RBFOX1: variants seen among roughly 807,000 people sequenced by gnomAD.
The protein encoded by RBFOX1 is RNA binding protein fox-1 homolog 1.
A neutral mutation model predicts 57.7 loss-of-function variants in RBFOX1; 8 were observed. The ratio of observed to expected loss-of-function variants is 0.14; its 90% CI spans 0.08 to 0.25. The LOEUF is 0.25. Ranked by LOEUF, RBFOX1 falls within the 10% of genes least tolerant of loss-of-function variation. RBFOX1 has a pLI of 1.00. For missense variants in RBFOX1, 611 were observed against 548.5 expected (o/e 1.11, Z -1.14); for synonymous variants, 326 against 222.4 (o/e 1.47, Z -4.15).
At chr16:6,624,989 A>G (rs1237881985) in intron 2 of RBFOX1, among the ~76,000 whole-genome samples, 2 of 151,764 alleles carry the variant, frequency 1.3e-5, no homozygotes, top group Admixed American at 6.6e-5. Context: ...ACATGGTGAA[A>G]CCCCATCTCT....
intron 2 of RBFOX1, among the ~76,000 whole-genome samples, chr16:5,536,228 CTTTTTTTTTTT>C (rs57061495): frequency 4.8e-5 from 5 of 103,538 alleles, no homozygotes; most frequent in Admixed American, 1.1e-4. Flanking sequence ...AATCTCCTGT[CTTTTTTTTTTT>C]TTTTTTTTTT....
intron 3 of RBFOX1, among the ~76,000 whole-genome samples, chr16:6,781,220 A>C (rs752429627): frequency 8.5e-5 from 13 of 152,058 alleles, no homozygotes; most frequent in Non-Finnish European, 1.6e-4. Flanking sequence ...TGTTGATATG[A>C]TATGTCACAT....
At chr16:7,447,940 C>G (rs2098821385) in intron 4 of RBFOX1, among the ~76,000 whole-genome samples, 1 of 152,188 alleles carries the variant, frequency 6.6e-6, no homozygotes, top group Non-Finnish European at 1.5e-5. Flanking sequence ...ATGTACATTC[C>G]TAGGTCCCTT....
intron 1 of RBFOX1, among the ~76,000 whole-genome samples, chr16:5,379,347 A>G (rs1359344504): frequency 6.6e-6 from 1 of 151,490 alleles, no homozygotes; most frequent in Non-Finnish European, 1.5e-5. Flanking sequence ...CCTCTCAGAG[A>G]AACACACCCC....
intron 3 of RBFOX1, among the ~76,000 whole-genome samples, chr16:6,961,795 G>A (rs28437175): frequency 3.6e-4 from 55 of 151,842 alleles, no homozygotes; most frequent in Admixed American, 1.4e-3. Context: ...CCTTTAGCAT[G>A]CTAATGCGTT....
chr16:7,164,541 A>G (rs1328157006), intron 4 of RBFOX1, among the ~76,000 whole-genome samples: 2 of 152,222 alleles, frequency 1.3e-5, no homozygotes, highest in African/African-American at 4.8e-5. Context: ...ACCAGAAAAG[A>G]GTAAAATTTA....
At chr16:6,886,860 T>G (rs76770351) in intron 3 of RBFOX1, among the ~76,000 whole-genome samples, 1 of 151,706 alleles carries the variant, frequency 6.6e-6, no homozygotes, top group African/African-American at 2.4e-5. Flanking sequence ...ATGGCAAAAA[T>G]AAAAGAGATG....
At chr16:7,203,471 G>C (rs565346299) in intron 4 of RBFOX1, among the ~76,000 whole-genome samples, 44 of 152,298 alleles carry the variant, frequency 2.9e-4, no homozygotes, top group Non-Finnish European at 5.7e-4. Context: ...GGTGATGGTT[G>C]CATAACAATA....
At chr16:5,256,273 A>G (rs1326969025) in intron 1 of RBFOX1, among the ~76,000 whole-genome samples, 2 of 152,134 alleles carry the variant, frequency 1.3e-5, no homozygotes, top group Non-Finnish European at 2.9e-5. Context: ...AGCCAGGGAA[A>G]AATTGGGTCC....
At chr16:7,338,180 A>G (rs1374188927) in intron 4 of RBFOX1, among the ~76,000 whole-genome samples, 1 of 152,072 alleles carries the variant, frequency 6.6e-6, no homozygotes, top group Non-Finnish European at 1.5e-5. Context: ...GGGTGCATTA[A>G]CTGTTTTCCC....
Position 5,555,879 on chromosome 16 carries a change from G to A in RBFOX1, c.259-43023G>A, listed in dbSNP as rs546782771. ...TCTACTAAAAATACAAAATTAGCCG[G>A]TCGTGGTGGTGCATGTCTGTAATCC... is the stretch of plus-strand genomic sequence containing the variant. On this transcript the variant is annotated intron_variant, in intron 2 of 2. Coordinates refer to the RBFOX1 transcript ENST00000585867. Among the ~76,000 whole-genome samples, 33 of 152,108 alleles carry A rather than the reference G, an allele frequency of 2.2e-4. 1 individual carries two copies. The South Asian group carries it at 6.9e-3, about 32-fold the overall frequency.
chr16:6,211,002 T>G (rs971515082), intron 1 of RBFOX1, among the ~76,000 whole-genome samples: 11 of 152,020 alleles, frequency 7.2e-5, no homozygotes, highest in African/African-American at 2.7e-4. Context: ...CTGAACCAAG[T>G]AGAGGGAAGA....
intron 4 of RBFOX1, among the ~76,000 whole-genome samples, chr16:7,384,008 C>T (rs957198216): frequency 2.0e-5 from 3 of 149,910 alleles, no homozygotes; most frequent in Admixed American, 6.7e-5. Context: ...GAGCAGAGAT[C>T]GTGCCGTTGC....
intron 3 of RBFOX1, among the ~76,000 whole-genome samples, chr16:7,047,965 C>A (rs978204435): frequency 2.1e-5 from 3 of 142,222 alleles, no homozygotes; most frequent in South Asian, 4.6e-4. Flanking sequence ...TGCAACCTCC[C>A]CCTGCCGGGT....
At chr16:7,550,314 G>A (rs1601594396) in intron 5 of RBFOX1, among the ~76,000 whole-genome samples, 1 of 151,862 alleles carries the variant, frequency 6.6e-6, no homozygotes, top group South Asian at 2.1e-4. Context: ...GTGGTTTCTG[G>A]AATCCTCTGC....
rs534827907 is a variant in RBFOX1 at position 7,029,397 on chromosome 16, A to G, written c.-15-22660A>G. ...AGCTGATGCGTCACACAGAAGAAAC[A>G]TGAGTCTTCAGTTCTTCTTTTGCTC... On this transcript the variant is annotated intron_variant, in intron 3 of 15. Coordinates refer to ENST00000550418, the MANE Select transcript of RBFOX1 (RefSeq NM_018723.4). Among the ~76,000 whole-genome samples, 4 of 151,406 alleles carry G rather than the reference A, an allele frequency of 2.6e-5. No individual in the cohort carries two copies. In the South Asian group the frequency reaches 8.3e-4, roughly 32 times the overall value.
At chr16:6,921,139 A>G (rs985267124) in intron 3 of RBFOX1, among the ~76,000 whole-genome samples, 7 of 152,194 alleles carry the variant, frequency 4.6e-5, no homozygotes, top group Non-Finnish European at 8.8e-5. Flanking sequence ...CCAGGCTGCC[A>G]TCTCTTCATT....
intron 3 of RBFOX1, among the ~76,000 whole-genome samples, chr16:6,893,613 G>C (rs2066047127): frequency 1.3e-5 from 2 of 152,210 alleles, no homozygotes; most frequent in South Asian, 2.1e-4. Flanking sequence ...TTTATATAAG[G>C]AGAAAAGGAG....
At chr16:7,542,391 C>T (rs985138963) in intron 5 of RBFOX1, among the ~76,000 whole-genome samples, 12 of 152,092 alleles carry the variant, frequency 7.9e-5, no homozygotes, top group African/African-American at 2.4e-4. Flanking sequence ...TTCTGGATTA[C>T]CCGGGTCTGC....
Sources: allele counts gnomAD v4.1 joint callset (sites outside exome capture counted in the v4.1 genomes callset), GRCh38; gene constraint gnomAD v4.1.1; transcripts MANE v1.5; gene names NCBI Gene and HGNC (gene_info 2026-07-23, HGNC 2026-07-21).